CSMD1: variants seen among roughly 807,000 people sequenced by gnomAD.
The protein encoded by CSMD1 is CUB and Sushi multiple domains 1, also known as CUB and sushi domain-containing protein 1.
A neutral mutation model predicts 417.5 loss-of-function variants in CSMD1; 213 were observed. That is an observed-to-expected ratio of 0.51 (90% CI 0.46 to 0.57). The LOEUF is 0.57. Ranked by LOEUF, CSMD1 falls within the 20% of genes least tolerant of loss-of-function variation. The pLI is 0.00. For synonymous variants in CSMD1, 2,862 were observed against 1,736.8 expected (o/e 1.65, Z -16.11); for missense variants, 6,923 against 4,529.7 (o/e 1.53, Z -15.17).
At chr8:3,461,737 T>C (rs938897370) in intron 12 of CSMD1, among the ~76,000 whole-genome samples, 4 of 152,316 alleles carry the variant, frequency 2.6e-5, no homozygotes, top group African/African-American at 9.6e-5. Context: ...GCTGGGGCCA[T>C]TGTCCCCAAT....
rs1391210650 is a variant in CSMD1, at chr8:3,796,396, T to C, written c.819-42354A>G. ...ATCATGTATATATATATCTATCATG[T>C]ATAGATATAGATATATATCTATCAT... On this transcript the variant is annotated intron_variant, in intron 5 of 69. Coordinates refer to ENST00000635120, the MANE Select transcript of CSMD1 (RefSeq NM_033225.6). Among the ~76,000 whole-genome samples the C allele has an allele frequency of 3.7e-5, 3 of 80,542 alleles. 1 individual carries two copies. Among genetic ancestry groups the C allele is most frequent in the African/African-American group, 1.1e-4 (3 of 27,310 alleles). 52.8% of individuals were successfully genotyped at this position (80,542 alleles called of 152,430 possible). A position where few individuals can be genotyped will look rare whatever the true frequency, so the allele number is the denominator to read the frequency against.
At chr8:4,157,006 G>C (rs558420538) in intron 3 of CSMD1, among the ~76,000 whole-genome samples, 9 of 152,252 alleles carry the variant, frequency 5.9e-5, no homozygotes, top group Non-Finnish European at 1.2e-4. Flanking sequence ...ATTAAGTAGG[G>C]GTGGTGGCCA....
intron 6 of CSMD1, among the ~76,000 whole-genome samples, chr8:3,736,418 A>G (rs536758892): frequency 1.3e-5 from 2 of 152,148 alleles, no homozygotes; most frequent in African/African-American, 4.8e-5. Flanking sequence ...TAATGTAAAA[A>G]AAAAAATGTA....
chr8:3,789,730 T>TA (rs1248886895), intron 5 of CSMD1, among the ~76,000 whole-genome samples: 28 of 126,784 alleles, frequency 2.2e-4, no homozygotes, highest in Non-Finnish European at 4.2e-4. Flanking sequence ...TGGTTAATTT[T>TA]TTTTTTTTTT....
intron 3 of CSMD1, among the ~76,000 whole-genome samples, chr8:4,334,868 A>G (rs1365844152): frequency 6.6e-6 from 1 of 152,076 alleles, no homozygotes; most frequent in Non-Finnish European, 1.5e-5. Context: ...GGAGGCTGGG[A>G]AGTCCAAGAT....
At chr8:4,245,370 C>G (rs914792453) in intron 3 of CSMD1, among the ~76,000 whole-genome samples, 1 of 152,112 alleles carries the variant, frequency 6.6e-6, no homozygotes, top group African/African-American at 2.4e-5. Flanking sequence ...TGCAAGTACC[C>G]AGCCTGCCTT....
chr8:3,500,533 G>A (rs1008402855), intron 10 of CSMD1, among the ~76,000 whole-genome samples: 1 of 152,282 alleles, frequency 6.6e-6, no homozygotes, highest in East Asian at 1.9e-4. Flanking sequence ...ATGAGCTGCA[G>A]TCTCTTTCAT....
At chr8:3,982,569 G>A (rs73658519) in intron 5 of CSMD1, among the ~76,000 whole-genome samples, 1,720 of 151,928 alleles carry the variant, frequency 0.011, 31 homozygotes, top group African/African-American at 0.038. Flanking sequence ...AGAATTATGC[G>A]CCTAGTCATT....
chr8:3,405,896 G>C (rs1324913365), intron 15 of CSMD1, 131 bp downstream of exon 15: 20 of 795,020 alleles, frequency 2.5e-5, no homozygotes, highest in Non-Finnish European at 3.3e-5. Flanking sequence ...ACTCCTGTTG[G>C]TTAAGTGACT....
intron 1 of CSMD1, among the ~76,000 whole-genome samples, chr8:4,892,872 G>A (rs958737945): frequency 2.0e-5 from 3 of 152,064 alleles, no homozygotes; most frequent in African/African-American, 7.3e-5. Flanking sequence ...CTTACTAAGA[G>A]GCATTAGACT....
chr8:3,955,397 C>A (rs1295643590), intron 5 of CSMD1, among the ~76,000 whole-genome samples: 1 of 152,164 alleles, frequency 6.6e-6, no homozygotes, highest in Non-Finnish European at 1.5e-5. Flanking sequence ...CCAAAAATGA[C>A]TCTAAGCTTC....
intron 1 of CSMD1, among the ~76,000 whole-genome samples, chr8:4,777,100 T>A (rs1389443881): frequency 1.3e-5 from 2 of 152,230 alleles, no homozygotes; most frequent in East Asian, 3.8e-4. Flanking sequence ...TCCTTGGTAA[T>A]AATGCTGCCA....
intron 3 of CSMD1, among the ~76,000 whole-genome samples, chr8:4,186,984 A>G (rs1270259464): frequency 6.6e-6 from 1 of 152,188 alleles, no homozygotes; most frequent in Admixed American, 6.5e-5. Context: ...TCTGTCTCAA[A>G]AAAATATAAA....
chr8:3,277,948 A>T (rs991857509), intron 26 of CSMD1, among the ~76,000 whole-genome samples: 6 of 152,342 alleles, frequency 3.9e-5, no homozygotes, highest in Middle Eastern at 3.4e-3. Flanking sequence ...TGAGTAAAAG[A>T]AAAGTAAGCA....
intron 8 of CSMD1, among the ~76,000 whole-genome samples, chr8:3,613,726 CA>C (rs1802002704): frequency 1.5e-5 from 2 of 130,798 alleles, no homozygotes; most frequent in Admixed American, 1.5e-4. Flanking sequence ...CACACACACA[CA>C]CACACACACA....
chr8:4,493,828 C>T (rs911832779), intron 2 of CSMD1, among the ~76,000 whole-genome samples: 1 of 152,212 alleles, frequency 6.6e-6, no homozygotes, highest in African/African-American at 2.4e-5. Context: ...ACATCATTCA[C>T]AGCAGGACAC....
chr8:3,177,847 T>A (rs950059698), intron 37 of CSMD1, among the ~76,000 whole-genome samples: 2 of 151,836 alleles, frequency 1.3e-5, no homozygotes, highest in African/African-American at 2.4e-5. Context: ...AAATCAATAT[T>A]ATCACCGTTC....
chr8:4,591,085 T>C (rs1261515063), intron 2 of CSMD1, among the ~76,000 whole-genome samples: 1 of 152,242 alleles, frequency 6.6e-6, no homozygotes, highest in African/African-American at 2.4e-5. Flanking sequence ...CAGGATCTGC[T>C]ATTCTCTAAG....
At chr8:3,402,354 C>G (rs905257468) in intron 15 of CSMD1, among the ~76,000 whole-genome samples, 8 of 151,942 alleles carry the variant, frequency 5.3e-5, no homozygotes, top group Non-Finnish European at 1.2e-4. Context: ...AAAAAATCAC[C>G]CGTTTTCTAC....
Sources: gnomAD v4.1 joint callset for allele counts (sites outside exome capture counted in the v4.1 genomes callset) on GRCh38, gnomAD v4.1.1 for gene constraint, MANE v1.5 for transcripts, NCBI Gene and HGNC (gene_info 2026-07-23, HGNC 2026-07-21) for gene names.